GPC5: variants seen among roughly 807,000 people sequenced by gnomAD.
GPC5 encodes the protein glypican-5.
A neutral mutation model predicts 53.9 loss-of-function variants in GPC5; 47 were observed. That is an observed-to-expected ratio of 0.87 (90% CI 0.69 to 1.11). GPC5 has a LOEUF of 1.11. Among genes scored for constraint, GPC5 ranks in the 50% most tolerant of loss-of-function variants. The pLI is 0.00. For missense variants in GPC5, 748 were observed against 713.1 expected (o/e 1.05, Z -0.56); for synonymous variants, 286 against 263.3 (o/e 1.09, Z -0.84).
chr13:92,008,639 G>A (rs557485264), intron 6 of GPC5, among the ~76,000 whole-genome samples: 2 of 152,154 alleles, frequency 1.3e-5, no homozygotes, highest in African/African-American at 2.4e-5. Context: ...TTAATTAAGC[G>A]GTTTCTGAGG....
At chr13:92,753,798 T>G (rs1350223361) in intron 7 of GPC5, among the ~76,000 whole-genome samples, 1 of 151,712 alleles carries the variant, frequency 6.6e-6, no homozygotes, top group African/African-American at 2.4e-5. Context: ...TAAAAAGAAA[T>G]GAGCAAAGCC....
At chr13:92,164,791 T>C (rs1330505249) in intron 7 of GPC5, among the ~76,000 whole-genome samples, 2 of 152,234 alleles carry the variant, frequency 1.3e-5, no homozygotes, top group Non-Finnish European at 2.9e-5. Flanking sequence ...ATGAGGGCTC[T>C]GCCCCTGCAG....
At chr13:92,510,713 G>A (rs921803187) in intron 7 of GPC5, among the ~76,000 whole-genome samples, 1 of 152,140 alleles carries the variant, frequency 6.6e-6, no homozygotes, top group Non-Finnish European at 1.5e-5. Context: ...CTGGCTCCTA[G>A]ATCTCAGCTG....
chr13:92,082,285 T>A (rs528220307), intron 6 of GPC5, among the ~76,000 whole-genome samples: 1 of 152,192 alleles, frequency 6.6e-6, no homozygotes, highest in South Asian at 2.1e-4. Flanking sequence ...TTTGTTGTAC[T>A]GTTCTTTTAT....
intron 7 of GPC5, among the ~76,000 whole-genome samples, chr13:92,577,993 A>C (rs1189825887): frequency 6.6e-6 from 1 of 152,158 alleles, no homozygotes; most frequent in Non-Finnish European, 1.5e-5. Context: ...GTCAATAAGG[A>C]AAGACGATGC....
intron 7 of GPC5, among the ~76,000 whole-genome samples, chr13:92,538,158 T>C (rs1029575853): frequency 6.6e-6 from 1 of 152,104 alleles, no homozygotes; most frequent in Non-Finnish European, 1.5e-5. Flanking sequence ...TTTTCCAAAC[T>C]AGTCTGTTTA....
Position 91,856,863 on chromosome 13 carries a change from C to T in GPC5, c.1281-51074C>T, listed in dbSNP as rs867153023. Among the ~76,000 whole-genome samples, 17 of 151,278 alleles carry T rather than the reference C, an allele frequency of 1.1e-4. No homozygotes were observed. In the East Asian group the frequency reaches 1.2e-3, roughly 10 times the overall value. ...TGAAGATGGGGCAGATTTTCTCCTA[C>T]GCTTTATATCAGAATCTTTATAGCT... On this transcript the variant is annotated intron_variant, in intron 5 of 7. Coordinates refer to ENST00000377067, the MANE Select transcript of GPC5 (RefSeq NM_004466.6).
At chr13:92,462,245 G>T (rs1488621256) in intron 7 of GPC5, among the ~76,000 whole-genome samples, 1 of 152,192 alleles carries the variant, frequency 6.6e-6, no homozygotes, top group Non-Finnish European at 1.5e-5. Flanking sequence ...CAGGGTTCGA[G>T]GTGGAAGCAG....
chr13:91,554,811 A>C (rs2030850685), intron 2 of GPC5, among the ~76,000 whole-genome samples: 1 of 152,090 alleles, frequency 6.6e-6, no homozygotes, highest in Non-Finnish European at 1.5e-5. Context: ...GGCCTTGAAA[A>C]ATAAGTTATT....
intron 7 of GPC5, among the ~76,000 whole-genome samples, chr13:92,245,440 A>C (rs2042643436): frequency 6.6e-6 from 1 of 152,206 alleles, no homozygotes; most frequent in Non-Finnish European, 1.5e-5. Context: ...CGAAAAGTAA[A>C]AAATTAATCT....
At chr13:91,722,058 G>T (rs1471482520) in intron 3 of GPC5, among the ~76,000 whole-genome samples, 1 of 152,146 alleles carries the variant, frequency 6.6e-6, no homozygotes, top group Admixed American at 6.5e-5. Flanking sequence ...GATTGACATT[G>T]TCATCTGCAG....
At chr13:92,785,183 C>T (rs562611881) in intron 7 of GPC5, among the ~76,000 whole-genome samples, 243 of 152,086 alleles carry the variant, frequency 1.6e-3, no homozygotes, top group Non-Finnish European at 2.4e-3. Flanking sequence ...GGCTGAGGCA[C>T]GAGAATCGCT....
At chr13:92,120,091 A>G (rs903508647) in intron 6 of GPC5, among the ~76,000 whole-genome samples, 1 of 152,230 alleles carries the variant, frequency 6.6e-6, no homozygotes, top group Non-Finnish European at 1.5e-5. Context: ...GAAGTACTGA[A>G]CAAAAATAAA....
At chr13:91,604,475 G>A (rs991598899) in intron 2 of GPC5, among the ~76,000 whole-genome samples, 1 of 150,570 alleles carries the variant, frequency 6.6e-6, no homozygotes, top group Non-Finnish European at 1.5e-5. Flanking sequence ...CCCAGTAATG[G>A]GATGGCTGGG....
intron 7 of GPC5, among the ~76,000 whole-genome samples, chr13:92,628,907 C>T (rs1885146492): frequency 6.6e-6 from 1 of 152,120 alleles, no homozygotes; most frequent in African/African-American, 2.4e-5. Flanking sequence ...GGAAGCATTT[C>T]CCATCTTCTT....
At chr13:91,603,479 T>G (rs2033246880) in intron 2 of GPC5, among the ~76,000 whole-genome samples, 1 of 152,236 alleles carries the variant, frequency 6.6e-6, no homozygotes, top group South Asian at 2.1e-4. Flanking sequence ...TGGCCCATCC[T>G]GATCTCACAA....
intron 4 of GPC5, among the ~76,000 whole-genome samples, chr13:91,745,690 A>T (rs562174656): frequency 1.3e-5 from 2 of 152,282 alleles, no homozygotes; most frequent in East Asian, 3.9e-4. Flanking sequence ...CAATGAGTTC[A>T]GGTGGGGTTC....
chr13:92,769,879 G>A (rs1354622319), intron 7 of GPC5, among the ~76,000 whole-genome samples: 1 of 152,098 alleles, frequency 6.6e-6, no homozygotes, highest in Non-Finnish European at 1.5e-5. Flanking sequence ...TGTTTGTCCT[G>A]TCTCATAACT....
intron 7 of GPC5, among the ~76,000 whole-genome samples, chr13:92,235,023 T>C (rs2042560026): frequency 1.3e-5 from 2 of 152,146 alleles, no homozygotes; most frequent in Non-Finnish European, 2.9e-5. Flanking sequence ...TTTAGGTCCC[T>C]AAGAAAATCT....
Sources: allele counts gnomAD v4.1 joint callset (sites outside exome capture counted in the v4.1 genomes callset), GRCh38; gene constraint gnomAD v4.1.1; transcripts MANE v1.5; gene names NCBI Gene and HGNC (gene_info 2026-07-23, HGNC 2026-07-21).